LDLRAD4: variants seen among roughly 807,000 people sequenced by gnomAD.
The protein encoded by LDLRAD4 is low-density lipoprotein receptor class A domain-containing protein 4.
In LDLRAD4, 5 loss-of-function variants were observed where a neutral mutation model predicts 17.0. That is an observed-to-expected ratio of 0.29 (90% CI 0.15 to 0.62). The LOEUF (loss-of-function observed/expected upper bound fraction) is 0.62, where lower values mean the gene tolerates loss of function less well. LDLRAD4 is among the 20% of genes least tolerant of loss of function. LDLRAD4 has a pLI of 0.84. For synonymous variants in LDLRAD4, 168 were observed against 171.8 expected (o/e 0.98, Z 0.17); for missense variants, 340 against 424.7 (o/e 0.80, Z 1.75).
intron 3 of LDLRAD4, among the ~76,000 whole-genome samples, chr18:13,584,004 C>G (rs1035574691): frequency 6.6e-6 from 1 of 152,116 alleles, no homozygotes; most frequent in Non-Finnish European, 1.5e-5. Context: ...TGAGGACCAC[C>G]ACCGCCCTTA....
intron 1 of LDLRAD4, among the ~76,000 whole-genome samples, chr18:13,263,581 C>G (rs1203310279): frequency 6.6e-6 from 1 of 152,162 alleles, no homozygotes; most frequent in Admixed American, 6.5e-5. Context: ...GGTTCGAGTC[C>G]CAGCTCTGCC....
intron 3 of LDLRAD4, among the ~76,000 whole-genome samples, chr18:13,603,981 T>C (rs1601655100): frequency 6.6e-6 from 1 of 152,226 alleles, no homozygotes; most frequent in African/African-American, 2.4e-5. Context: ...TCTAAAACAC[T>C]CGAGCACTGG....
intron 2 of LDLRAD4, among the ~76,000 whole-genome samples, chr18:13,438,032 G>A (rs558186126): frequency 6.6e-6 from 1 of 152,254 alleles, no homozygotes; most frequent in East Asian, 1.9e-4. Context: ...CCCCTGTGGA[G>A]TGCAGGAGGG....
intron 1 of LDLRAD4, among the ~76,000 whole-genome samples, chr18:13,342,170 A>C (rs2082406556): frequency 6.6e-6 from 1 of 152,094 alleles, no homozygotes; most frequent in African/African-American, 2.4e-5. Context: ...ATTAATATTC[A>C]TAAGAAATAT....
chr18:13,502,724 G>A (rs911401963), intron 3 of LDLRAD4, among the ~76,000 whole-genome samples: 8 of 152,190 alleles, frequency 5.3e-5, no homozygotes, highest in East Asian at 3.9e-4. Flanking sequence ...AGGACTGTAC[G>A]GGCCACACCC....
At chr18:13,224,032 C>T (rs1433778010) in intron 1 of LDLRAD4, among the ~76,000 whole-genome samples, 1 of 152,194 alleles carries the variant, frequency 6.6e-6, no homozygotes, top group Admixed American at 6.5e-5. Flanking sequence ...TCTATCCAGC[C>T]AGCAAGTTCA....
Position 13,330,941 on chromosome 18 carries a change from A to T in LDLRAD4, c.-383+52753A>T, listed in dbSNP as rs1275880882. On this transcript the variant is annotated intron_variant, in intron 1 of 5. Coordinates refer to ENST00000359446, the Ensembl canonical transcript of LDLRAD4. ...GGGTCCAAGAGCTTCTGGATAGCTA[A>T]ACACATGGAGGTTCCTGGAGGGCTG... Among the ~76,000 whole-genome samples the T allele has an allele frequency of 2.0e-5, 3 of 152,232 alleles. No homozygotes were observed. The East Asian group carries it at 5.8e-4, about 29-fold the overall frequency.
chr18:13,247,031 G>A (rs1386696436), intron 1 of LDLRAD4, among the ~76,000 whole-genome samples: 1 of 151,690 alleles, frequency 6.6e-6, no homozygotes, highest in Non-Finnish European at 1.5e-5. Flanking sequence ...AAAGACCTTG[G>A]GTAAACTCTA....
chr18:13,297,380 C>A (rs2046334120), intron 1 of LDLRAD4, among the ~76,000 whole-genome samples: 3 of 152,208 alleles, frequency 2.0e-5, no homozygotes, highest in Admixed American at 6.5e-5. Context: ...GACCACTTAA[C>A]CCTCATTACC....
chr18:13,248,465 C>T lies in LDLRAD4; in HGVS notation c.-467+29477C>T, dbSNP rs372445286. On this transcript the variant is annotated intron_variant, in intron 1 of 5. Coordinates refer to the LDLRAD4 transcript ENST00000399848. ...AGGTTATTGGCTGGTGTGGGCACAG[C>T]GACCACCCCATAAGATGTGATGTAG... is the stretch of plus-strand genomic sequence containing the variant. 5.3e-5 allele frequency among the ~76,000 whole-genome samples: 8 copies of T among 152,316 alleles called. No homozygotes were observed. In the East Asian group the frequency reaches 7.7e-4, roughly 15 times the overall value.
chr18:13,573,317 G>A (rs7238090), intron 3 of LDLRAD4, among the ~76,000 whole-genome samples: 3 of 142,332 alleles, frequency 2.1e-5, no homozygotes, highest in Non-Finnish European at 4.6e-5. Flanking sequence ...GTAGGCCAGG[G>A]TGGTCTCGAA....
chr18:13,561,790 G>T (rs1480103750), intron 3 of LDLRAD4: 1 of 152,174 alleles, frequency 6.6e-6, no homozygotes, highest in Non-Finnish European at 1.5e-5. Context: ...AGTGTAATGA[G>T]GACTTGCTGT....
At chr18:13,558,213 C>T (rs934222913) in intron 3 of LDLRAD4, among the ~76,000 whole-genome samples, 3 of 152,294 alleles carry the variant, frequency 2.0e-5, no homozygotes, top group South Asian at 2.1e-4. Context: ...GGGACTGTAT[C>T]GGAGGAGTGG....
At chr18:13,447,063 G>T (rs543178670) in intron 3 of LDLRAD4, among the ~76,000 whole-genome samples, 1 of 152,332 alleles carries the variant, frequency 6.6e-6, no homozygotes, top group African/African-American at 2.4e-5. Flanking sequence ...CTCCATCAAG[G>T]CCATGTTCAA....
chr18:13,255,870 T>C (rs1157911442), intron 1 of LDLRAD4, among the ~76,000 whole-genome samples: 1 of 152,126 alleles, frequency 6.6e-6, no homozygotes, highest in Non-Finnish European at 1.5e-5. Flanking sequence ...AGGATGAGGA[T>C]GGCTGGGGAA....
At chr18:13,547,400 A>T (rs921192741) in intron 3 of LDLRAD4, among the ~76,000 whole-genome samples, 1 of 152,152 alleles carries the variant, frequency 6.6e-6, no homozygotes, top group East Asian at 1.9e-4. Context: ...GTGTCACAGG[A>T]TCCTTAGGGT....
At chr18:13,220,898 G>C (rs1423177934) in intron 1 of LDLRAD4, among the ~76,000 whole-genome samples, 1 of 152,244 alleles carries the variant, frequency 6.6e-6, no homozygotes, top group Admixed American at 6.5e-5. Context: ...TGACGTCTCT[G>C]CATGTAGCCA....
chr18:13,320,998 T>G (rs2081185607), intron 1 of LDLRAD4, among the ~76,000 whole-genome samples: 1 of 152,198 alleles, frequency 6.6e-6, no homozygotes, highest in Non-Finnish European at 1.5e-5. Context: ...ATGCACTGTT[T>G]CAGTGAGCCC....
intron 3 of LDLRAD4, among the ~76,000 whole-genome samples, chr18:13,568,760 G>A (rs1000692572): frequency 2.0e-5 from 3 of 152,210 alleles, no homozygotes. Flanking sequence ...GACAGACCCC[G>A]TGGTTAGAGG....
Sources: gnomAD v4.1 joint callset for allele counts (sites outside exome capture counted in the v4.1 genomes callset) on GRCh38, gnomAD v4.1.1 for gene constraint, MANE v1.5 for transcripts, NCBI Gene and HGNC (gene_info 2026-07-23, HGNC 2026-07-21) for gene names.